MMP16: variants seen among roughly 807,000 people sequenced by gnomAD.
MMP16 encodes the protein matrix metallopeptidase 16.
Under a neutral mutation model 67.8 loss-of-function variants are expected in MMP16, and 12 were observed. The observed-to-expected ratio is 0.18, with a 90% CI of 0.11 to 0.29. The LOEUF (loss-of-function observed/expected upper bound fraction) is 0.29. MMP16 is among the 10% of genes least tolerant of loss of function. The pLI is 1.00. For synonymous variants in MMP16, 249 were observed against 255.9 expected (o/e 0.97, Z 0.26); for missense variants, 475 against 765.7 (o/e 0.62, Z 4.48).
intron 6 of MMP16, among the ~76,000 whole-genome samples, chr8:88,091,050 G>A (rs1002799756): frequency 7.3e-5 from 11 of 151,668 alleles, no homozygotes; most frequent in East Asian, 1.9e-4. Flanking sequence ...CTTAGTGAAC[G>A]TTATCTTCAT....
At chr8:88,166,736 A>C (rs533550019) in intron 4 of MMP16, among the ~76,000 whole-genome samples, 73 of 101,154 alleles carry the variant, frequency 7.2e-4, no homozygotes, top group African/African-American at 2.4e-3. Context: ...TATATTCTTA[A>C]TTTTAATTTT....
intron 4 of MMP16, among the ~76,000 whole-genome samples, chr8:88,140,421 G>A (rs940196673): frequency 5.9e-5 from 9 of 152,080 alleles, no homozygotes; most frequent in Non-Finnish European, 1.2e-4. Flanking sequence ...TCATTAGAAG[G>A]GAGTCACTAA....
At chr8:88,050,760 G>A (rs1336749816) in intron 8 of MMP16, among the ~76,000 whole-genome samples, 5 of 152,138 alleles carry the variant, frequency 3.3e-5, no homozygotes, top group Non-Finnish European at 5.9e-5. Flanking sequence ...CAATGCTGTC[G>A]TTCAAACAAC....
At chr8:88,223,886 C>T (rs1809727016) in intron 1 of MMP16, among the ~76,000 whole-genome samples, 1 of 151,458 alleles carries the variant, frequency 6.6e-6, no homozygotes, top group South Asian at 2.1e-4. Flanking sequence ...TTGATATGGA[C>T]CTGAAAAGTG....
At chr8:88,056,556 A>G (rs1330622844) in intron 7 of MMP16, among the ~76,000 whole-genome samples, 2 of 152,082 alleles carry the variant, frequency 1.3e-5, no homozygotes, top group Non-Finnish European at 2.9e-5. Context: ...AAATAGATCT[A>G]TAACTTTGCC....
chr8:88,273,720 C>T (rs899584114), intron 1 of MMP16, among the ~76,000 whole-genome samples: 2 of 152,026 alleles, frequency 1.3e-5, no homozygotes, highest in African/African-American at 2.4e-5. Flanking sequence ...TTGCTGAGTG[C>T]TTATAAATAA....
chr8:88,226,876 G>A (rs570558353), intron 1 of MMP16, among the ~76,000 whole-genome samples: 3 of 148,454 alleles, frequency 2.0e-5, no homozygotes, highest in African/African-American at 7.4e-5. Context: ...CAGCCTACAC[G>A]TATTTATTTA....
At position 88,283,365 on chromosome 8, in the gene MMP16, T is replaced by C. The variant is rs1020623452; in HGVS notation, c.132+43710A>G. On this transcript the variant is annotated intron_variant, in intron 1 of 9. Coordinates refer to ENST00000286614, the MANE Select transcript of MMP16 (RefSeq NM_005941.5). ...AGACCATGCTTCTGGGTATAGGTGC[T>C]GAAGCTGACAGATGTGTAACACTAG... 3.9e-5 allele frequency among the ~76,000 whole-genome samples: 6 copies of C among 152,332 alleles called. No homozygotes were observed. The East Asian group carries it at 1.2e-3, about 29-fold the overall frequency.
At chr8:88,173,373 T>C (rs1268676652) in intron 3 of MMP16, among the ~76,000 whole-genome samples, 1 of 152,158 alleles carries the variant, frequency 6.6e-6, no homozygotes, top group Non-Finnish European at 1.5e-5. Flanking sequence ...ATTTGATACC[T>C]TTTTAAAGTA....
chr8:88,110,082 T>C (rs1809308411), intron 6 of MMP16, among the ~76,000 whole-genome samples: 1 of 151,250 alleles, frequency 6.6e-6, no homozygotes, highest in Non-Finnish European at 1.5e-5. Context: ...AAATTCCAAA[T>C]AAAGCATATA....
chr8:88,188,945 G>A lies in MMP16; in HGVS notation c.282-2347C>T, dbSNP rs555004550. The stretch of plus-strand genomic sequence containing the variant: ...GCTGGGATTACAGGCATGAGCCACC[G>A]TGCCCGGCCCAAAGAACAGATATTT... On this transcript the variant is annotated intron_variant, in intron 2 of 9. Coordinates refer to ENST00000286614, the MANE Select transcript of MMP16 (RefSeq NM_005941.5). 7.2e-5 allele frequency among the ~76,000 whole-genome samples: 11 copies of A among 152,236 alleles called. No individual in the cohort carries two copies. In the South Asian group the frequency reaches 1.7e-3, roughly 23 times the overall value.
intron 4 of MMP16, among the ~76,000 whole-genome samples, chr8:88,149,900 G>A (rs201757145): frequency 0.046 from 6,718 of 145,506 alleles, 201 homozygotes; most frequent in East Asian, 0.12. Context: ...GGCTTCAGAC[G>A]ATCAAATTAC....
rs963469360 is a variant in MMP16 at position 88,033,019 on chromosome 8, G to A, written c.*8442C>T. 1 of 151,796 alleles carries A rather than the reference G, an allele frequency of 6.6e-6. No homozygotes were observed. Among genetic ancestry groups the A allele is most frequent in the South Asian group, 2.1e-4 (1 of 4,824 alleles). The allele number at this position is 151,796 out of a possible 1,614,324, so 9.4% of individuals were successfully genotyped here. On this transcript the variant is annotated 3_prime_UTR_variant, in exon 10 of 10. Coordinates refer to ENST00000286614, the MANE Select transcript of MMP16 (RefSeq NM_005941.5). ...TGGCCTAAATATTTAATTTCCTGGC[G>A]TTTCTCTCTGCTTCACAGTTTAATG... is the stretch of plus-strand genomic sequence containing the variant.
chr8:88,062,616 T>A (rs965043591), intron 7 of MMP16, among the ~76,000 whole-genome samples: 2 of 151,598 alleles, frequency 1.3e-5, no homozygotes, highest in Admixed American at 1.3e-4. Context: ...ATGAGAACAC[T>A]TGGACACAGG....
intron 7 of MMP16, among the ~76,000 whole-genome samples, chr8:88,072,081 G>C (rs1277878039): frequency 6.6e-6 from 1 of 152,094 alleles, no homozygotes; most frequent in African/African-American, 2.4e-5. Flanking sequence ...CAGGGAAGGG[G>C]ATCAGCTGTC....
At chr8:88,065,627 T>A (rs1808454050) in intron 7 of MMP16, among the ~76,000 whole-genome samples, 1 of 152,116 alleles carries the variant, frequency 6.6e-6, no homozygotes, top group Non-Finnish European at 1.5e-5. Context: ...TTCTGTTACA[T>A]CCTATAAAGA....
At chr8:88,215,150 C>G (rs1243074456) in intron 1 of MMP16, among the ~76,000 whole-genome samples, 1 of 151,834 alleles carries the variant, frequency 6.6e-6, no homozygotes, top group Non-Finnish European at 1.5e-5. Flanking sequence ...ATGGTGAAAC[C>G]CCATCTTTAC....
chr8:88,136,975 T>C (rs760773920), intron 4 of MMP16, among the ~76,000 whole-genome samples: 3 of 151,900 alleles, frequency 2.0e-5, no homozygotes, highest in Non-Finnish European at 2.9e-5. Context: ...ATGTGTTATA[T>C]ACATATTTTT....
At chr8:88,163,000 T>C (rs2129688087) in intron 4 of MMP16, among the ~76,000 whole-genome samples, 1 of 152,174 alleles carries the variant, frequency 6.6e-6, no homozygotes, top group South Asian at 2.1e-4. Flanking sequence ...TCCTCAAATA[T>C]CAAAGTTCAA....
Sources: gnomAD v4.1 joint callset for allele counts (sites outside exome capture counted in the v4.1 genomes callset) on GRCh38, gnomAD v4.1.1 for gene constraint, MANE v1.5 for transcripts, NCBI Gene and HGNC (gene_info 2026-07-23, HGNC 2026-07-21) for gene names.